Variants in PLEKHG5 observed in about 807,000 individuals in gnomAD.
PLEKHG5 encodes pleckstrin homology domain-containing family G member 5.
A neutral mutation model predicts 103.8 loss-of-function variants in PLEKHG5; 52 were observed. The ratio of observed to expected loss-of-function variants is 0.50; its 90% CI spans 0.40 to 0.63. The LOEUF (loss-of-function observed/expected upper bound fraction) is 0.63. Ranked by LOEUF, PLEKHG5 falls within the 30% of genes least tolerant of loss-of-function variation. The pLI, the probability that PLEKHG5 is intolerant of heterozygous loss-of-function variation, is 0.00. For synonymous variants in PLEKHG5, 592 were observed against 575.5 expected (o/e 1.03, Z -0.41); for missense variants, 1,205 against 1,347.6 (o/e 0.89, Z 1.66).
intron 1 of PLEKHG5, among the ~76,000 whole-genome samples, chr1:6,514,855 G>A (rs1638572220): frequency 6.6e-6 from 1 of 151,106 alleles, no homozygotes; most frequent in African/African-American, 2.4e-5. Flanking sequence ...ATCACCTTAG[G>A]TCAGGAGTTT....
At chr1:6,517,903 G>A (rs1007866826) in intron 1 of PLEKHG5, among the ~76,000 whole-genome samples, 2 of 152,120 alleles carry the variant, frequency 1.3e-5, no homozygotes, top group African/African-American at 4.8e-5. Context: ...CCTGACCCCC[G>A]ACTCCCAAAA....
chr1:6,468,561 G>A lies in PLEKHG5; in HGVS notation c.2275C>T (p.Leu759=), dbSNP rs764089396. 1 of 1,613,012 alleles carries A rather than the reference G, an allele frequency of 6.2e-7. No homozygotes were observed. The highest frequency in any genetic ancestry group is 1.1e-5 in the South Asian group (1 of 91,082). ...CCAGGCTCTACCACAACCATGGCCA[G>A]GGTCTCCGTGGAGCCATCTGAGGCA... ...HCASDGSTET[L]AMVVVEPGDT... The change falls in exon 20 of 21, where the codon CTG becomes TTG. Residue 759 remains leucine, a synonymous_variant. Transcript: ENST00000377728.
chr1:6,499,449 C>T (rs999737260), upstream of PLEKHG5, among the ~76,000 whole-genome samples: 6 of 152,238 alleles, frequency 3.9e-5, no homozygotes, highest in East Asian at 1.9e-4. Context: ...CTAGACCCTA[C>T]ACTCCTGATC....
Position 6,505,116 on chromosome 1 carries a change from C to T in PLEKHG5, c.-164-8547G>A, listed in dbSNP as rs1165606739. Among the ~76,000 whole-genome samples, 1 of 152,188 alleles carries T rather than the reference C, an allele frequency of 6.6e-6. No individual in the cohort carries two copies. On this transcript the variant is annotated intron_variant, in intron 1 of 21. Coordinates refer to the PLEKHG5 transcript ENST00000377740. The surrounding 1 kb of genome is among the most constrained non-coding windows in gnomAD (Gnocchi z 4.2). ...GGAGAAGAGAACCCAGGCCCAGGCCCCGGCCCCAGACAGTTCCACAGTGCT... is the reference window on the plus strand; with the variant it reads ...GGAGAAGAGAACCCAGGCCCAGGCCTCGGCCCCAGACAGTTCCACAGTGCT...
chr1:6,495,165 G>A (rs539285563), upstream of PLEKHG5, among the ~76,000 whole-genome samples: 3 of 152,370 alleles, frequency 2.0e-5, no homozygotes, highest in African/African-American at 4.8e-5. Context: ...ATGTATATTG[G>A]GGGGAGCTGA....
At chr1:6,496,915 TGG>T, upstream of PLEKHG5, 1 of 1,462,998 alleles carries the variant, frequency 6.8e-7, no homozygotes, top group Admixed American at 2.6e-5. Flanking sequence ...GCAGGGCTGC[TGG>T]GGGGAAGGGG....
intron 4 of PLEKHG5, 83 bp downstream of exon 4, chr1:6,475,379 C>T: frequency 1.6e-6 from 2 of 1,220,242 alleles, no homozygotes; most frequent in Non-Finnish European, 2.4e-6. Context: ...CCTCCCCACC[C>T]CCATCCCGGA....
At chr1:6,481,405 C>T (rs1482766314) in intron 1 of PLEKHG5, among the ~76,000 whole-genome samples, 1 of 152,096 alleles carries the variant, frequency 6.6e-6, no homozygotes, top group Non-Finnish European at 1.5e-5. Context: ...GTGGCGCATG[C>T]CTGTAATCCC....
chr1:6,506,577 G>A (rs1054670211), intron 1 of PLEKHG5, among the ~76,000 whole-genome samples: 12 of 152,300 alleles, frequency 7.9e-5, no homozygotes, highest in African/African-American at 2.4e-4. Context: ...CCCCACCCCT[G>A]ACCTGTGACC....
chr1:6,515,158 C>G (rs1437459356), intron 1 of PLEKHG5, among the ~76,000 whole-genome samples: 1 of 152,160 alleles, frequency 6.6e-6, no homozygotes, highest in Non-Finnish European at 1.5e-5. Flanking sequence ...ACATTTAGAG[C>G]CTTCAGTAGG....
rs1357565074 is a variant in PLEKHG5 at position 6,490,160 on chromosome 1, C to T, written c.-88+1477G>A. 4.6e-5 allele frequency among the ~76,000 whole-genome samples: 7 copies of T among 152,172 alleles called. No individual in the cohort carries two copies. Among genetic ancestry groups the T allele is most frequent in the African/African-American group, 1.4e-4 (6 of 41,450 alleles). On this transcript the variant is annotated intron_variant, in intron 1 of 20. Coordinates refer to ENST00000377728, the MANE Select transcript of PLEKHG5 (RefSeq NM_020631.6). The surrounding 1 kb of genome is among the most constrained non-coding windows in gnomAD (Gnocchi z 8.0). The stretch of plus-strand genomic sequence containing the variant: ...CGCGCCCGGGCCCCTCCAGGATCCC[C>T]CTGCCCCGCCAATACCCCCCATACC...
chr1:6,482,704 T>TTATG (rs1644934113), intron 1 of PLEKHG5, among the ~76,000 whole-genome samples: 1 of 152,060 alleles, frequency 6.6e-6, no homozygotes, highest in Non-Finnish European at 1.5e-5. Flanking sequence ...ATTTATTTAT[T>TTATG]TATGTATTTA....
chr1:6,495,239 T>C (rs2148626221), upstream of PLEKHG5, among the ~76,000 whole-genome samples: 1 of 152,318 alleles, frequency 6.6e-6, no homozygotes, highest in East Asian at 1.9e-4. Flanking sequence ...CAGAGCCCAA[T>C]GCCAGGCACC....
At chr1:6,478,800 C>T (rs963231715) in intron 1 of PLEKHG5, among the ~76,000 whole-genome samples, 3 of 152,058 alleles carry the variant, frequency 2.0e-5, no homozygotes, top group East Asian at 1.9e-4. Context: ...CAATCCACCA[C>T]GCCCGACTAA....
chr1:6,474,389 C>T lies in PLEKHG5; in HGVS notation c.439+62G>A, dbSNP rs549475761. 5.8e-5 allele frequency: 93 copies of T among 1,591,774 alleles called. No homozygotes were observed. The Admixed American group carries it at 1.5e-3, about 26-fold the overall frequency. Reference sequence around the variant, plus strand: ...AATGGGAACCTGAGCCTGGGAAGGGCGCCCATCTCCAGGAGGCTCCGCCAG... The same window carrying T: ...AATGGGAACCTGAGCCTGGGAAGGGTGCCCATCTCCAGGAGGCTCCGCCAG... On this transcript the variant is annotated intron_variant, in intron 6 of 20. Transcript: ENST00000377728.
At chr1:6,499,218 G>T (rs1645268872), upstream of PLEKHG5, among the ~76,000 whole-genome samples, 1 of 152,218 alleles carries the variant, frequency 6.6e-6, no homozygotes, top group Non-Finnish European at 1.5e-5. Flanking sequence ...TCCGGGCCAT[G>T]TCTTCTGCCA....
At chr1:6,495,074 G>C (rs1645203144), upstream of PLEKHG5, among the ~76,000 whole-genome samples, 2 of 152,218 alleles carry the variant, frequency 1.3e-5, no homozygotes, top group South Asian at 4.1e-4. Flanking sequence ...CCAGAGGAGG[G>C]GCTGGGACAG....
At chr1:6,484,214 A>G (rs577068813) in intron 1 of PLEKHG5, among the ~76,000 whole-genome samples, 2 of 152,256 alleles carry the variant, frequency 1.3e-5, no homozygotes, top group East Asian at 3.9e-4. Context: ...ACTGAGCCCT[A>G]TGACGCACCC....
chr1:6,519,497 C>G, exon 1 of PLEKHG5: 2 of 1,614,004 alleles, frequency 1.2e-6, no homozygotes, highest in Non-Finnish European at 1.7e-6. Flanking sequence ...CATGTTTTGT[C>G]AGGACTGAAT....
Sources: allele counts gnomAD v4.1 joint callset (sites outside exome capture counted in the v4.1 genomes callset), GRCh38; gene constraint gnomAD v4.1.1; non-coding constraint Gnocchi (gnomAD v3.1); transcripts MANE v1.5; gene names NCBI Gene and HGNC (gene_info 2026-07-23, HGNC 2026-07-21).